Variants in CCDC154 observed in about 807,000 individuals in gnomAD.
CCDC154 encodes the protein coiled-coil domain containing 154, also known as coiled-coil domain-containing protein 154.
In CCDC154, 91 loss-of-function variants were observed where a neutral mutation model predicts 87.5. That is an observed-to-expected ratio of 1.04 (90% CI 0.88 to 1.24). The LOEUF (loss-of-function observed/expected upper bound fraction) is 1.24. CCDC154 is among the 50% of genes most tolerant of loss of function. The pLI, the probability that CCDC154 is intolerant of heterozygous loss-of-function variation, is 0.00. For missense variants in CCDC154, 903 were observed against 879.2 expected (o/e 1.03, Z -0.34); for synonymous variants, 418 against 400.4 (o/e 1.04, Z -0.52).
intron 6 of CCDC154, among the ~76,000 whole-genome samples, chr16:1,441,244 A>T (rs1466124567): frequency 2.6e-5 from 4 of 152,202 alleles, no homozygotes; most frequent in African/African-American, 9.6e-5. Flanking sequence ...GCACCTTGGG[A>T]ATCCTCAGCC....
chr16:1,439,444 A>C (rs1291748928), intron 6 of CCDC154: 2 of 409,096 alleles, frequency 4.9e-6, no homozygotes, highest in African/African-American at 4.1e-5. Context: ...GCAGGGAAGC[A>C]GGAGTGTCGT....
chr16:1,435,736 G>C (rs1354436199), intron 14 of CCDC154, among the ~76,000 whole-genome samples: 1 of 152,156 alleles, frequency 6.6e-6, no homozygotes, highest in African/African-American at 2.4e-5. Context: ...ATGTTGGTCA[G>C]GCGGGTCTCA....
chr16:1,437,950 C>T lies in CCDC154; in HGVS notation c.1157G>A (p.Arg386Gln), dbSNP rs543092557. The change falls in exon 11 of 17, where the codon CGA becomes CAA. Residue 386 changes from arginine to glutamine, a missense_variant. Arg to Gln is a conservative substitution (Grantham distance 43, BLOSUM62 1). Transcript: ENST00000389176. ...QEMHGELVLL[R>Q]EKSRALEASV... ...TGCCTCCAGAGCCCGGCTCTTCTCTCGGAGCTGCAGGGGACAGGTGGGCAC... is the reference window on the plus strand; with the variant it reads ...TGCCTCCAGAGCCCGGCTCTTCTCTTGGAGCTGCAGGGGACAGGTGGGCAC... 16 of 1,546,320 alleles carry T rather than the reference C, an allele frequency of 1.0e-5. No homozygotes were observed. The highest frequency in any genetic ancestry group is 3.3e-4 in the Middle Eastern group (2 of 5,978).
chr16:1,436,947 T>C (rs1390335056), intron 11 of CCDC154, 136 bp from the exon 12 acceptor site: 5 of 1,251,712 alleles, frequency 4.0e-6, no homozygotes, highest in Non-Finnish European at 5.5e-6. Context: ...TGCACAGGCC[T>C]GCAGGCGGCT....
At chr16:1,441,741 G>A (rs926217237) in intron 6 of CCDC154, among the ~76,000 whole-genome samples, 2 of 152,084 alleles carry the variant, frequency 1.3e-5, no homozygotes, top group African/African-American at 2.4e-5. Context: ...GACGAAGAGC[G>A]CCCAGATCTG....
chr16:1,443,980 C>T lies in CCDC154; in HGVS notation c.40G>A (p.Ala14Thr), dbSNP rs368557227. 5.3e-5 allele frequency: 69 copies of T among 1,302,046 alleles called. No homozygotes were observed. The highest frequency in any genetic ancestry group is 6.4e-5 in the Non-Finnish European group (63 of 988,930). The allele number at this position is 1,302,046 out of a possible 1,614,324, so 80.7% of individuals were successfully genotyped here. A position where few individuals can be genotyped will look rare whatever the true frequency, so the allele number is the denominator to read the frequency against. ...GTGACGGCTCTCAGCTGGGAAGGGG[C>T]CGATGCCCCTGAGGGTCCACTGTCA... ...LADSGPSGAS[A>T]PSQLRAVTLE... The change falls in exon 2 of 17, where the codon GCC becomes ACC. Residue 14 changes from alanine to threonine, a missense_variant. Ala to Thr is a moderately conservative substitution (Grantham distance 58). Coordinates refer to ENST00000389176, the MANE Select transcript of CCDC154 (RefSeq NM_001143980.3).
chr16:1,436,269 C>T (rs1035183811), intron 13 of CCDC154, among the ~76,000 whole-genome samples, 176 bp downstream of exon 13: 10 of 152,166 alleles, frequency 6.6e-5, no homozygotes, highest in Admixed American at 2.0e-4. Context: ...GGGCTGGAGG[C>T]GCCTCAGAGG....
rs567924818 is a variant in CCDC154, at chr16:1,444,073, G to C, written c.8-61C>G. 4 of 1,236,342 alleles carry C rather than the reference G, an allele frequency of 3.2e-6. No individual in the cohort carries two copies. The Admixed American group carries it at 7.1e-5, about 22-fold the overall frequency. The allele number at this position is 1,236,342 out of a possible 1,614,324, so 76.6% of individuals were successfully genotyped here. A position where few individuals can be genotyped will look rare whatever the true frequency, so the allele number is the denominator to read the frequency against. ...GCCCGGCCCCCACTGGAGCTTACGG[G>C]AACAAGGCCCCAAACCCCCGCAGGA... is the stretch of plus-strand genomic sequence containing the variant. On this transcript the variant is annotated intron_variant, in intron 1 of 16. Coordinates refer to ENST00000389176, the MANE Select transcript of CCDC154 (RefSeq NM_001143980.3).
chr16:1,437,904 C>A lies in CCDC154; in HGVS notation c.1203G>T (p.Gly401=), dbSNP rs1281241161. The A allele has an allele frequency of 3.2e-6, 5 of 1,546,734 alleles. No individual in the cohort carries two copies. The African/African-American group carries it at 6.8e-5, about 21-fold the overall frequency. Residue 401 remains glycine, a synonymous_variant, in exon 11 of 17, where the codon GGG becomes GGT. Coordinates refer to ENST00000389176, the MANE Select transcript of CCDC154 (RefSeq NM_001143980.3). ...ALEASVAQLA[G]QLKELSGHLP... The stretch of plus-strand genomic sequence containing the variant: ...GATGGCCACTCAGCTCCTTTAACTG[C>A]CCGGCCAGCTGCGCCACGGATGCCT...
rs937473814 is a variant in CCDC154 at position 1,438,325 on chromosome 16, G to A, written c.1026-149C>T. On this transcript the variant is annotated intron_variant, in intron 9 of 16. Transcript: ENST00000389176. Reference sequence around the variant, plus strand: ...GGTGCGGTCACAGTGCCACCAACACGGGTTCACTCCCCATGGCCACCAAGA... The same window carrying A: ...GGTGCGGTCACAGTGCCACCAACACAGGTTCACTCCCCATGGCCACCAAGA... The A allele has an allele frequency of 7.8e-6, 8 of 1,020,802 alleles. No individual in the cohort carries two copies. In the Admixed American group the frequency reaches 9.0e-5, roughly 11 times the overall value. 63.2% of individuals were successfully genotyped at this position (1,020,802 alleles called of 1,614,324 possible).
chr16:1,436,383 C>A, intron 13 of CCDC154, 62 bp downstream of exon 13: 1 of 1,354,970 alleles, frequency 7.4e-7, no homozygotes, highest in Non-Finnish European at 1.0e-6. Context: ...GCGTGGGGAC[C>A]GGCCCAGCCC....
At chr16:1,442,817 G>A in intron 5 of CCDC154, 63 bp downstream of exon 5, 1 of 1,468,120 alleles carries the variant, frequency 6.8e-7, no homozygotes, top group Non-Finnish European at 9.2e-7. Flanking sequence ...TCTTGGCTCA[G>A]CCAGGGACTC....
Position 1,438,095 on chromosome 16 carries a change from C to T in CCDC154, c.1107G>A (p.Leu369=). 8.4e-6 allele frequency: 13 copies of T among 1,549,110 alleles called. No homozygotes were observed. Among genetic ancestry groups the T allele is most frequent in the Non-Finnish European group, 1.1e-5 (13 of 1,146,286 alleles). The change falls in exon 10 of 17, where the codon CTG becomes CTA. Residue 369 remains leucine, a synonymous_variant. Coordinates refer to ENST00000389176, the MANE Select transcript of CCDC154 (RefSeq NM_001143980.3). ...YVQENLEAAQ[L]AGELARQEMH... is the part of the protein sequence containing the mutation. ...TCTCCTGCCGGGCCAGCTCGCCAGC[C>T]AGCTGTGCGGCCTCCAGGTTCTCCT...
Position 1,442,992 on chromosome 16 carries a change from C to T in CCDC154, c.456-17G>A, listed in dbSNP as rs1167619483. Reference sequence around the variant, plus strand: ...TCCACCAGCCTGGGACACAACAAGCCATTCCCGAGAGGCCCAGGCGGGCTG... The same window carrying T: ...TCCACCAGCCTGGGACACAACAAGCTATTCCCGAGAGGCCCAGGCGGGCTG... On this transcript the variant is annotated splice_polypyrimidine_tract_variant and intron_variant, in intron 4 of 16. Transcript: ENST00000389176. The T allele has an allele frequency of 1.1e-5, 17 of 1,549,890 alleles. No individual in the cohort carries two copies. Among genetic ancestry groups the T allele is most frequent in the East Asian group, 2.4e-5 (1 of 40,900 alleles).
Position 1,443,666 on chromosome 16 carries a change from CA to C in CCDC154, c.253del (p.Cys85AlafsTer34). The C allele has an allele frequency of 7.7e-7, 1 of 1,302,648 alleles. No homozygotes were observed. The highest frequency in any genetic ancestry group is 1.3e-5 in the South Asian group (1 of 74,954). The allele number at this position is 1,302,648 out of a possible 1,614,324, so 80.7% of individuals were successfully genotyped here. ...WVVELQAEVACLREHKQRCER... is the reference protein window; with the variant it reads ...WVVELQAEVAXLREHKQRCER... ...ACAGCGCTGCTTGTGCTCCCGCAGG[CA>C]GGCCACCTCGGCCTGCAGCTCCACC... On this transcript the variant is annotated frameshift_variant, in exon 3 of 17. Transcript: ENST00000389176. LOFTEE classifies it high-confidence loss of function.
At chr16:1,442,738 C>T in intron 5 of CCDC154, 142 bp downstream of exon 5, 1 of 1,045,638 alleles carries the variant, frequency 9.6e-7, no homozygotes, top group Non-Finnish European at 1.4e-6. Context: ...GCCCAGGCTT[C>T]CCAGCACGCT....
rs1222120362 is a variant in CCDC154, at chr16:1,435,088, C to T, written c.1692+1G>A. 9 of 1,549,078 alleles carry T rather than the reference C, an allele frequency of 5.8e-6. No homozygotes were observed. Among genetic ancestry groups the T allele is most frequent in the Non-Finnish European group, 7.8e-6 (9 of 1,146,732 alleles). On this transcript the variant is annotated splice_donor_variant, in intron 15 of 16. Coordinates refer to ENST00000389176, the MANE Select transcript of CCDC154 (RefSeq NM_001143980.3). LOFTEE classifies it high-confidence loss of function. ...GTGCCGGCCGGGCAAGGCCTCCTCACCAGCCGGGCCTCAGTGTTGAACCTG... is the reference window on the plus strand; with the variant it reads ...GTGCCGGCCGGGCAAGGCCTCCTCATCAGCCGGGCCTCAGTGTTGAACCTG...
intron 9 of CCDC154, 135 bp downstream of exon 9, chr16:1,438,484 G>A: frequency 1.2e-6 from 1 of 866,732 alleles, no homozygotes; most frequent in South Asian, 1.7e-5. Context: ...CCATCCAGCT[G>A]CAGCCCTCGG....
Position 1,442,871 on chromosome 16 carries a change from G to A in CCDC154, c.551+9C>T. On this transcript the variant is annotated intron_variant, in intron 5 of 16. Transcript: ENST00000389176. The stretch of plus-strand genomic sequence containing the variant: ...GCTCCGGAGCCAGCCACGGGCGGTG[G>A]GCGCCCACCTGAGGCCGGCCTCTTG... 6.5e-7 allele frequency: 1 copy of A among 1,547,890 alleles called. No homozygotes were observed. The highest frequency in any genetic ancestry group is 1.7e-4 in the Middle Eastern group (1 of 5,974).
Sources: gnomAD v4.1 joint callset for allele counts (sites outside exome capture counted in the v4.1 genomes callset) on GRCh38, gnomAD v4.1.1 for gene constraint, MANE v1.5 for transcripts, NCBI Gene and HGNC (gene_info 2026-07-23, HGNC 2026-07-21) for gene names.